SDAD1: variants seen among roughly 807,000 people sequenced by gnomAD.
The protein encoded by SDAD1 is protein SDA1 homolog.
SDAD1 carries 79 observed loss-of-function variants against 100.3 expected under a neutral mutation model. The ratio of observed to expected loss-of-function variants is 0.79; its 90% CI spans 0.66 to 0.95. The LOEUF is 0.95. Ranked by LOEUF, SDAD1 falls within the 40% of genes least tolerant of loss-of-function variation. SDAD1 has a pLI of 0.00. For missense variants in SDAD1, 790 were observed against 810.9 expected (o/e 0.97, Z 0.31); for synonymous variants, 267 against 271.4 (o/e 0.98, Z 0.16).
At chr4:75,974,402 C>CAAAAAAAAAAAAAAAAAAAAAAAAAAGAA (rs36025367) in intron 6 of SDAD1, among the ~76,000 whole-genome samples, 1 of 110,912 alleles carries the variant, frequency 9.0e-6, no homozygotes, top group African/African-American at 3.1e-5. Flanking sequence ...TAGTCAAGTG[C>CAAAAAAAAAAAAAAAAAAAAAAAAAAGAA]AAAAAAAAAA....
chr4:75,983,510 T>C (rs1730676752), intron 1 of SDAD1, among the ~76,000 whole-genome samples: 1 of 152,238 alleles, frequency 6.6e-6, no homozygotes, highest in Non-Finnish European at 1.5e-5. Flanking sequence ...TGGTATCTCA[T>C]TGTAGTTTTG....
rs1437117564 is a variant in SDAD1, at chr4:75,957,370, A to G, written c.1809T>C (p.His603=). 3.7e-6 allele frequency: 6 copies of G among 1,614,110 alleles called. No individual in the cohort carries two copies. Among genetic ancestry groups the G allele is most frequent in the Non-Finnish European group, 5.1e-6 (6 of 1,180,016 alleles). Residue 603 remains histidine, a synonymous_variant, in exon 20 of 22, where the codon CAT becomes CAC. Transcript: ENST00000356260. ...LLSLRDIERL[H]KKPKSDKETR... Reference sequence around the variant, plus strand: ...TCTCTTTGTCAGACTTTGGCTTTTTATGAAGGCGTTCAATGTCCCGAAGAG... The same window carrying G: ...TCTCTTTGTCAGACTTTGGCTTTTTGTGAAGGCGTTCAATGTCCCGAAGAG...
chr4:75,965,197 G>C (rs931465241), intron 13 of SDAD1, among the ~76,000 whole-genome samples: 3 of 152,162 alleles, frequency 2.0e-5, no homozygotes, highest in Non-Finnish European at 2.9e-5. Context: ...AGGGACATCT[G>C]TCTTTTAAGG....
In SDAD1 at chr4:75,977,026, A is replaced by G. The variant is rs564427649; in HGVS notation, c.405+620T>C. ...GGCTGGTCTCAAACTCCTGGACTCA[A>G]GTGATCCTCCCACCTCAGCCTCCCA... On this transcript the variant is annotated intron_variant, in intron 4 of 21. Transcript: ENST00000356260. Among the ~76,000 whole-genome samples the G allele has an allele frequency of 2.6e-5, 4 of 152,262 alleles. No homozygotes were observed. The South Asian group carries it at 8.3e-4, about 32-fold the overall frequency.
chr4:75,966,221 T>G (rs1729529350), intron 12 of SDAD1, among the ~76,000 whole-genome samples: 1 of 151,362 alleles, frequency 6.6e-6, no homozygotes, highest in South Asian at 2.1e-4. Flanking sequence ...CTTAATGCAG[T>G]GCCTGGCATA....
chr4:75,955,861 C>A, intron 21 of SDAD1, 114 bp downstream of exon 21: 1 of 1,231,404 alleles, frequency 8.1e-7, no homozygotes, highest in Non-Finnish European at 1.1e-6. Flanking sequence ...AACAATGCTC[C>A]CAAGACACAC....
At chr4:75,952,648 C>G (rs1728679622) in intron 21 of SDAD1, among the ~76,000 whole-genome samples, 1 of 152,140 alleles carries the variant, frequency 6.6e-6, no homozygotes, top group African/African-American at 2.4e-5. Flanking sequence ...GTGTGATGCT[C>G]CTTTCTCACA....
Position 75,957,479 on chromosome 4 carries a change from T to C in SDAD1, c.1769+39A>G, listed in dbSNP as rs748224333. ...GTTTCCTGATGCTTTCATTACCACATGAGCTGACTGAAGTACTAAAGTGGA... is the reference window on the plus strand; with the variant it reads ...GTTTCCTGATGCTTTCATTACCACACGAGCTGACTGAAGTACTAAAGTGGA... On this transcript the variant is annotated intron_variant, in intron 19 of 21. Transcript: ENST00000356260. 8 of 1,611,732 alleles carry C rather than the reference T, an allele frequency of 5.0e-6. No individual in the cohort carries two copies. The Admixed American group carries it at 6.7e-5, about 13-fold the overall frequency.
intron 14 of SDAD1, 96 bp downstream of exon 14, chr4:75,964,039 G>T (rs1380602625): frequency 5.0e-6 from 4 of 796,708 alleles, no homozygotes; most frequent in South Asian, 1.5e-5. Context: ...TTTTATAGAG[G>T]TGATACTACC....
Position 75,950,641 on chromosome 4 carries a change from TAC to T in SDAD1, c.*107_*108del. 1.4e-6 allele frequency: 1 copy of T among 693,220 alleles called. No homozygotes were observed. 42.9% of individuals were successfully genotyped at this position (693,220 alleles called of 1,614,324 possible). On this transcript the variant is annotated 3_prime_UTR_variant, in exon 22 of 22. Coordinates refer to ENST00000356260, the MANE Select transcript of SDAD1 (RefSeq NM_018115.4). ...GCCACATGTTCAGCAGTTTTCACAA[TAC>T]AGTGTGTCTGGACTTTTTAATGTAA... is the stretch of plus-strand genomic sequence containing the variant.
At position 75,975,922 on chromosome 4, in the gene SDAD1, A is replaced by T. The variant is rs761933587; in HGVS notation, c.477+2T>A. 6.3e-7 allele frequency: 1 copy of T among 1,597,884 alleles called. No homozygotes were observed. The highest frequency in any genetic ancestry group is 1.1e-5 in the South Asian group (1 of 90,716). On this transcript the variant is annotated splice_donor_variant, in intron 5 of 21. Transcript: ENST00000356260. LOFTEE classifies it high-confidence loss of function. ...AAACATGGAAGACAGAAGAGTACTTACTACATTCACTTTATTGTTCTTGTG... is the reference window on the plus strand; with the variant it reads ...AAACATGGAAGACAGAAGAGTACTTTCTACATTCACTTTATTGTTCTTGTG...
In SDAD1 at chr4:75,961,417, T is replaced by G. The variant is rs10025697; in HGVS notation, c.1182-109A>C. The G allele has an allele frequency of 5.4e-4, 420 of 773,326 alleles. 3 individuals carry two copies. The African/African-American group carries it at 6.4e-3, about 12-fold the overall frequency. 47.9% of individuals were successfully genotyped at this position (773,326 alleles called of 1,614,324 possible). ...AACTCAAAAGGAAAACACGTTGAGT[T>G]TTATATAGCTTAGGTCTCCAAAACT... On this transcript the variant is annotated intron_variant, in intron 14 of 21. Coordinates refer to ENST00000356260, the MANE Select transcript of SDAD1 (RefSeq NM_018115.4).
At position 75,981,809 on chromosome 4, in the gene SDAD1, A is replaced by G. The variant is rs550746173; in HGVS notation, c.195+124T>C. 2.6e-5 allele frequency: 21 copies of G among 815,884 alleles called. No homozygotes were observed. In the South Asian group the frequency reaches 3.4e-4, roughly 13 times the overall value. The allele number at this position is 815,884 out of a possible 1,614,324, so 50.5% of individuals were successfully genotyped here. A position where few individuals can be genotyped will look rare whatever the true frequency, so the allele number is the denominator to read the frequency against. On this transcript the variant is annotated intron_variant, in intron 2 of 21. Coordinates refer to ENST00000356260, the MANE Select transcript of SDAD1 (RefSeq NM_018115.4). ...GAGAAAATAAAATTTGCAAAAAGGG[A>G]AAGTTAGAAAAATATTTTAATTAAG...
chr4:75,955,774 A>T (rs1340632657), intron 21 of SDAD1, among the ~76,000 whole-genome samples: 1 of 152,106 alleles, frequency 6.6e-6, no homozygotes, highest in Non-Finnish European at 1.5e-5. Flanking sequence ...TGGGATTTAC[A>T]TACCCTGAAT....
chr4:75,954,976 T>A (rs573605236), intron 21 of SDAD1, among the ~76,000 whole-genome samples: 3 of 152,188 alleles, frequency 2.0e-5, no homozygotes, highest in South Asian at 2.1e-4. Context: ...TTCTGAGAAT[T>A]TGTGGTCTAA....
intron 10 of SDAD1, 69 bp from the exon 11 acceptor site, chr4:75,969,468 T>C (rs115950816): frequency 7.5e-5 from 77 of 1,027,102 alleles, no homozygotes; most frequent in Admixed American, 5.6e-4. Flanking sequence ...GTAACAGGCG[T>C]AGGAAAAGAC....
At chr4:75,957,079 C>T (rs990172161) in intron 20 of SDAD1, among the ~76,000 whole-genome samples, 1 of 152,138 alleles carries the variant, frequency 6.6e-6, no homozygotes, top group Non-Finnish European at 1.5e-5. Context: ...CACTGCACTA[C>T]AGCCTGGGTG....
At chr4:75,978,164 C>T (rs10031733) in intron 3 of SDAD1, among the ~76,000 whole-genome samples, 33,449 of 150,928 alleles carry the variant, frequency 0.22, 4,159 homozygotes, top group East Asian at 0.37. Flanking sequence ...TATGACCTTA[C>T]GAGGCATTCT....
intron 21 of SDAD1, among the ~76,000 whole-genome samples, chr4:75,954,317 G>C (rs1259289838): frequency 2.0e-5 from 3 of 151,450 alleles, no homozygotes; most frequent in Non-Finnish European, 4.4e-5. Context: ...GGGAGGCAGA[G>C]CTTGCAGTGA....
Sources: allele counts gnomAD v4.1 joint callset (sites outside exome capture counted in the v4.1 genomes callset), GRCh38; gene constraint gnomAD v4.1.1; transcripts MANE v1.5; gene names NCBI Gene and HGNC (gene_info 2026-07-23, HGNC 2026-07-21).